Variants in CLEC16A observed in about 807,000 individuals in gnomAD.
The protein encoded by CLEC16A is protein CLEC16A.
CLEC16A carries 51 observed loss-of-function variants against 109.5 expected under a neutral mutation model. That is an observed-to-expected ratio of 0.47 (90% CI 0.37 to 0.59). The LOEUF (loss-of-function observed/expected upper bound fraction) is 0.59. Among genes scored for constraint, CLEC16A ranks in the 20% least tolerant of loss-of-function variants. The pLI is 0.00. For missense variants in CLEC16A, 1,339 were observed against 1,394.0 expected (o/e 0.96, Z 0.63); for synonymous variants, 673 against 564.2 (o/e 1.19, Z -2.73).
chr16:11,076,066 C>T (rs757253334), intron 19 of CLEC16A, among the ~76,000 whole-genome samples: 13 of 112,840 alleles, frequency 1.2e-4, no homozygotes, highest in Non-Finnish European at 2.2e-4. Flanking sequence ...AGCTCCCCTG[C>T]AGCTGGTGGG....
Position 11,157,023 on chromosome 16 carries a change from T to A in CLEC16A, c.2642-9365T>A, listed in dbSNP as rs865933231. On this transcript the variant is annotated intron_variant, in intron 22 of 23. Coordinates refer to ENST00000409790, the MANE Select transcript of CLEC16A (RefSeq NM_015226.3). ...AGCAAAAACATTTCTAAGGGCACAATTAGGACACAGAGAGAAAGCAAGATA... is the reference window on the plus strand; with the variant it reads ...AGCAAAAACATTTCTAAGGGCACAAATAGGACACAGAGAGAAAGCAAGATA... 42 of 1,273,264 alleles carry A rather than the reference T, an allele frequency of 3.3e-5. No homozygotes were observed. The Middle Eastern group carries it at 6.3e-3, about 191-fold the overall frequency. 78.9% of individuals were successfully genotyped at this position (1,273,264 alleles called of 1,614,324 possible).
In CLEC16A at chr16:11,179,478, A is replaced by G. The variant is rs1390220595; in HGVS notation, c.*788A>G. ...TGAGAGGGCTGAATGGTTTTCTGCT[A>G]TAGCAGCCGAGAGGCCTCCCATCAT... On this transcript the variant is annotated 3_prime_UTR_variant, in exon 24 of 24. Coordinates refer to ENST00000409790, the MANE Select transcript of CLEC16A (RefSeq NM_015226.3). The G allele has an allele frequency of 5.3e-5, 8 of 152,370 alleles. No homozygotes were observed. The East Asian group carries it at 9.6e-4, about 18-fold the overall frequency. 9.4% of individuals were successfully genotyped at this position (152,370 alleles called of 1,614,324 possible). A position where few individuals can be genotyped will look rare whatever the true frequency, so the allele number is the denominator to read the frequency against.
At chr16:10,958,924 T>A (rs2042120266) in intron 2 of CLEC16A, among the ~76,000 whole-genome samples, 1 of 151,814 alleles carries the variant, frequency 6.6e-6, no homozygotes, top group African/African-American at 2.4e-5. Context: ...TAGCAAGGGC[T>A]GTTAACTGTG....
chr16:11,122,622 G>A (rs1231056517), intron 20 of CLEC16A, among the ~76,000 whole-genome samples: 1 of 152,184 alleles, frequency 6.6e-6, no homozygotes, highest in Non-Finnish European at 1.5e-5. Context: ...TGTGCCAAAT[G>A]TAGTGCCTGA....
chr16:11,025,656 G>A (rs1174873555), intron 13 of CLEC16A, among the ~76,000 whole-genome samples: 9 of 152,194 alleles, frequency 5.9e-5, no homozygotes, highest in African/African-American at 1.9e-4. Context: ...TGATATTTTA[G>A]TAGGTTTTTT....
At chr16:11,050,122 C>T (rs913001143) in intron 17 of CLEC16A, among the ~76,000 whole-genome samples, 2 of 152,202 alleles carry the variant, frequency 1.3e-5, no homozygotes, top group Non-Finnish European at 2.9e-5. Flanking sequence ...GGCCTTCTTG[C>T]CACATCATCC....
intron 22 of CLEC16A, among the ~76,000 whole-genome samples, chr16:11,160,325 C>T (rs1001458496): frequency 1.1e-4 from 17 of 152,178 alleles, no homozygotes; most frequent in African/African-American, 3.1e-4. Context: ...TTTAGTCTCT[C>T]TCGGGCCTCG....
intron 19 of CLEC16A, among the ~76,000 whole-genome samples, chr16:11,112,055 A>G (rs1489965843): frequency 1.3e-5 from 2 of 152,220 alleles, no homozygotes; most frequent in Non-Finnish European, 2.9e-5. Context: ...ACCGTGGGAG[A>G]GAACGCAGCT....
chr16:11,044,479 A>G (rs1322395388), intron 16 of CLEC16A, among the ~76,000 whole-genome samples: 1 of 152,256 alleles, frequency 6.6e-6, no homozygotes, highest in Non-Finnish European at 1.5e-5. Flanking sequence ...TATGAACCAT[A>G]TACATGTATA....
intron 1 of CLEC16A, among the ~76,000 whole-genome samples, chr16:10,946,156 G>C (rs2041355949): frequency 6.6e-6 from 1 of 152,150 alleles, no homozygotes; most frequent in Non-Finnish European, 1.5e-5. Context: ...TCAAGAAATA[G>C]GCAGGTTTCC....
chr16:11,004,662 C>G (rs2044881618), intron 11 of CLEC16A, among the ~76,000 whole-genome samples: 2 of 152,144 alleles, frequency 1.3e-5, no homozygotes, highest in Non-Finnish European at 2.9e-5. Flanking sequence ...CCAAAGAATG[C>G]CTCCGCCACC....
intron 13 of CLEC16A, among the ~76,000 whole-genome samples, chr16:11,031,264 A>G (rs2046726299): frequency 6.6e-6 from 1 of 152,220 alleles, no homozygotes; most frequent in Non-Finnish European, 1.5e-5. Flanking sequence ...GGGCTTCAGC[A>G]AAGAAGGTGC....
chr16:11,021,288 T>G (rs1264876510), intron 12 of CLEC16A, among the ~76,000 whole-genome samples: 3 of 152,208 alleles, frequency 2.0e-5, no homozygotes, highest in Non-Finnish European at 4.4e-5. Flanking sequence ...CCATTTTTAG[T>G]TTTTGCTAAA....
In CLEC16A at chr16:10,977,207, G is replaced by T; in HGVS notation, c.729-18G>T. The T allele has an allele frequency of 6.2e-7, 1 of 1,610,400 alleles. No individual in the cohort carries two copies. The highest frequency in any genetic ancestry group is 8.5e-7 in the Non-Finnish European group (1 of 1,178,294). Reference sequence around the variant, plus strand: ...CTAGTGTTGGCCTCCAGGCTGAGGTGGTCATTTCTCCTGGCAGGCATCGGA... The same window carrying T: ...CTAGTGTTGGCCTCCAGGCTGAGGTTGTCATTTCTCCTGGCAGGCATCGGA... On this transcript the variant is annotated intron_variant, in intron 7 of 23. Transcript: ENST00000409790.
intron 17 of CLEC16A, 122 bp downstream of exon 17, chr16:11,047,464 T>C (rs16957976): frequency 0.11 from 56,515 of 522,824 alleles, 3,313 homozygotes; most frequent in African/African-American, 0.16. Context: ...CACAGATTGA[T>C]GGGGAAGCAG....
At chr16:10,962,384 T>C (rs971461328) in intron 2 of CLEC16A, 71 bp from the exon 3 acceptor site, 22 of 1,590,630 alleles carry the variant, frequency 1.4e-5, no homozygotes, top group Non-Finnish European at 1.6e-5. Flanking sequence ...GTGTTGTGAA[T>C]GAAACCAGAT....
At chr16:11,067,356 G>A (rs2048827872) in intron 19 of CLEC16A, among the ~76,000 whole-genome samples, 1 of 60,188 alleles carries the variant, frequency 1.7e-5, no homozygotes, top group Non-Finnish European at 4.1e-5. Flanking sequence ...CAGGTGACGG[G>A]GTTTAACCTG....
intron 3 of CLEC16A, among the ~76,000 whole-genome samples, chr16:10,966,576 T>C (rs1287569587): frequency 6.6e-6 from 1 of 152,194 alleles, no homozygotes; most frequent in African/African-American, 2.4e-5. Context: ...CTGGGTACTT[T>C]ATAAGGGAAA....
At chr16:11,114,695 G>A (rs1013241257) in intron 19 of CLEC16A, among the ~76,000 whole-genome samples, 6 of 152,138 alleles carry the variant, frequency 3.9e-5, no homozygotes, top group Non-Finnish European at 7.4e-5. Context: ...GTCCCCCAGG[G>A]CTCCACAGCC....
Sources: gnomAD v4.1 joint callset for allele counts (sites outside exome capture counted in the v4.1 genomes callset) on GRCh38, gnomAD v4.1.1 for gene constraint, MANE v1.5 for transcripts, NCBI Gene and HGNC (gene_info 2026-07-23, HGNC 2026-07-21) for gene names.